DGKB: variants seen among roughly 807,000 people sequenced by gnomAD.
The protein encoded by DGKB is 90 kDa diacylglycerol kinase.
A neutral mutation model predicts 114.3 loss-of-function variants in DGKB; 67 were observed. The ratio of observed to expected loss-of-function variants is 0.59; its 90% confidence interval spans 0.48 to 0.72. DGKB has a LOEUF of 0.72. Ranked by LOEUF, DGKB falls within the 30% of genes least tolerant of loss-of-function variation. The pLI, the probability that DGKB is intolerant of heterozygous loss-of-function variation, is 0.00. For synonymous variants in DGKB, 398 were observed against 323.1 expected (o/e 1.23, Z -2.49); for missense variants, 907 against 975.2 (o/e 0.93, Z 0.93).
intron 13 of DGKB, among the ~76,000 whole-genome samples, chr7:14,633,422 C>T (rs527655750): frequency 1.3e-5 from 2 of 151,746 alleles, no homozygotes; most frequent in African/African-American, 2.4e-5. Flanking sequence ...AGTGACAAAA[C>T]CAACATATAT....
chr7:14,463,086 T>C (rs1431129838), intron 21 of DGKB, among the ~76,000 whole-genome samples: 2 of 152,192 alleles, frequency 1.3e-5, no homozygotes, highest in South Asian at 2.1e-4. Context: ...TATACAAAAA[T>C]TAACTCAGGA....
chr7:14,686,040 T>C (rs942299355), intron 9 of DGKB, among the ~76,000 whole-genome samples: 2 of 152,162 alleles, frequency 1.3e-5, no homozygotes, highest in Non-Finnish European at 2.9e-5. Context: ...CCTTATAAAA[T>C]ATAAGTAGTT....
intron 21 of DGKB, among the ~76,000 whole-genome samples, chr7:14,404,217 G>T (rs865881099): frequency 1.3e-5 from 2 of 150,952 alleles, no homozygotes; most frequent in Admixed American, 6.7e-5. Flanking sequence ...GTTGGATGCT[G>T]ATATTTTGAG....
chr7:14,763,628 C>A (rs763773962), intron 2 of DGKB, among the ~76,000 whole-genome samples: 33 of 152,002 alleles, frequency 2.2e-4, no homozygotes, highest in Non-Finnish European at 3.5e-4. Context: ...ATTATTACAA[C>A]AGCTAAAATC....
chr7:14,777,360 TG>T (rs1198406298), intron 2 of DGKB, among the ~76,000 whole-genome samples: 1 of 152,020 alleles, frequency 6.6e-6, no homozygotes, highest in Non-Finnish European at 1.5e-5. Flanking sequence ...TTGGGAGAGC[TG>T]GGGGCAGAAT....
At chr7:14,511,506 T>C (rs1787974264) in intron 20 of DGKB, among the ~76,000 whole-genome samples, 1 of 152,190 alleles carries the variant, frequency 6.6e-6, no homozygotes, top group Non-Finnish European at 1.5e-5. Context: ...CTTAAGGAAA[T>C]GTAGCTAGTT....
chr7:14,163,200 AACT>A (rs1486928487), intron 25 of DGKB, among the ~76,000 whole-genome samples: 1 of 152,198 alleles, frequency 6.6e-6, no homozygotes, highest in Non-Finnish European at 1.5e-5. Context: ...GTTCCCCTGT[AACT>A]ACTGCAAATT....
rs62443667 is a variant in DGKB at position 14,274,975 on chromosome 7, T to C, written c.2122+63540A>G. ...TGTGTGTGTGTGTGTGTGTGTGTGT[T>C]TGTGTGTGCGTGTTATAAATGTGAT... is the stretch of plus-strand genomic sequence containing the variant. On this transcript the variant is annotated intron_variant, in intron 23 of 25. Coordinates refer to ENST00000402815, the MANE Select transcript of DGKB (RefSeq NM_001350709.2). Among the ~76,000 whole-genome samples the C allele has an allele frequency of 9.9e-4, 132 of 133,892 alleles. No homozygotes were observed. The Middle Eastern group carries it at 0.012, about 12-fold the overall frequency. 87.8% of individuals were successfully genotyped at this position (133,892 alleles called of 152,430 possible).
intron 23 of DGKB, among the ~76,000 whole-genome samples, chr7:14,312,635 A>G (rs1805602721): frequency 6.6e-6 from 1 of 152,210 alleles, no homozygotes; most frequent in Non-Finnish European, 1.5e-5. Context: ...TTTAAAGAAA[A>G]ACACTTGTGT....
chr7:14,559,754 G>C (rs914591724), intron 20 of DGKB, among the ~76,000 whole-genome samples: 5 of 152,172 alleles, frequency 3.3e-5, no homozygotes, highest in African/African-American at 1.2e-4. Flanking sequence ...TCAAACATTT[G>C]TGAACAGAGT....
chr7:14,244,243 A>G (rs189951161), intron 23 of DGKB, among the ~76,000 whole-genome samples: 1 of 152,304 alleles, frequency 6.6e-6, no homozygotes, highest in East Asian at 1.9e-4. Context: ...TGCTCTTGTC[A>G]AATGTTTTCT....
intron 20 of DGKB, among the ~76,000 whole-genome samples, chr7:14,571,815 A>G (rs920974815): frequency 6.6e-6 from 1 of 152,228 alleles, no homozygotes; most frequent in Non-Finnish European, 1.5e-5. Context: ...TTTGAGCGCA[A>G]TCTCTAGACA....
intron 1 of DGKB, among the ~76,000 whole-genome samples, chr7:14,937,698 T>C (rs577860991): frequency 6.6e-6 from 1 of 152,198 alleles, no homozygotes; most frequent in Non-Finnish European, 1.5e-5. Context: ...AACACAGGTT[T>C]AAACTTTGCA....
In DGKB at chr7:14,358,233, C is replaced by G. The variant is rs4621693; in HGVS notation, c.1836-12842G>C. 8.7e-3 allele frequency among the ~76,000 whole-genome samples: 1,329 copies of G among 152,298 alleles called. 19 individuals are homozygous for G. Among genetic ancestry groups the G allele is most frequent in the African/African-American group, 0.029 (1,215 of 41,564 alleles). Reference sequence around the variant, plus strand: ...CCCCGTCACTTTCAGGTACACCAGTCAAATGTAGATTTGGTCTTTTCACAT... The same window carrying G: ...CCCCGTCACTTTCAGGTACACCAGTGAAATGTAGATTTGGTCTTTTCACAT... On this transcript the variant is annotated intron_variant, in intron 21 of 25. Transcript: ENST00000402815.
At chr7:14,814,322 C>G (rs568354012) in intron 2 of DGKB, among the ~76,000 whole-genome samples, 2 of 152,156 alleles carry the variant, frequency 1.3e-5, no homozygotes, top group Non-Finnish European at 2.9e-5. Context: ...CAAACCAGTA[C>G]CAAGAACAGC....
At chr7:14,866,214 C>T (rs1011120250) in intron 1 of DGKB, among the ~76,000 whole-genome samples, 21 of 152,200 alleles carry the variant, frequency 1.4e-4, no homozygotes, top group African/African-American at 4.6e-4. Context: ...TTTAAAATTC[C>T]CCACCAGAGT....
intron 23 of DGKB, among the ~76,000 whole-genome samples, chr7:14,304,425 C>T (rs1490743098): frequency 6.6e-6 from 1 of 151,950 alleles, no homozygotes; most frequent in African/African-American, 2.4e-5. Context: ...TAATACACAA[C>T]ATCCCACAGT....
At chr7:14,918,065 T>A (rs552960913) in intron 1 of DGKB, among the ~76,000 whole-genome samples, 1 of 152,260 alleles carries the variant, frequency 6.6e-6, no homozygotes, top group South Asian at 2.1e-4. Context: ...CCATTCTTCA[T>A]GAAAAATCTC....
At chr7:14,322,136 T>A (rs992644379) in intron 23 of DGKB, among the ~76,000 whole-genome samples, 5 of 152,242 alleles carry the variant, frequency 3.3e-5, no homozygotes, top group Non-Finnish European at 5.9e-5. Flanking sequence ...TTGTGCCAGA[T>A]CTGGCCTGCT....
Sources: gnomAD v4.1 joint callset for allele counts (sites outside exome capture counted in the v4.1 genomes callset) on GRCh38, gnomAD v4.1.1 for gene constraint, MANE v1.5 for transcripts, NCBI Gene and HGNC (gene_info 2026-07-23, HGNC 2026-07-21) for gene names.